Variants in TMC1 observed in about 807,000 individuals in gnomAD.
TMC1 encodes transmembrane channel-like protein 1.
Under a neutral mutation model 105.8 loss-of-function variants are expected in TMC1, and 84 were observed. That is an observed-to-expected ratio of 0.79 (90% confidence interval 0.67 to 0.95). The LOEUF (loss-of-function observed/expected upper bound fraction) is 0.95, where lower values mean the gene tolerates loss of function less well. TMC1 is among the 40% of genes least tolerant of loss of function. The probability of loss-of-function intolerance (pLI) is 0.00; values close to 1 mark genes in which losing one functional copy is unlikely to be tolerated. For synonymous variants in TMC1, 315 were observed against 311.5 expected (o/e 1.01, Z -0.12); for missense variants, 817 against 914.1 (o/e 0.89, Z 1.37).
chr9:72,797,898 C>T (rs1828400226), intron 17 of TMC1, among the ~76,000 whole-genome samples: 1 of 152,130 alleles, frequency 6.6e-6, no homozygotes, highest in Non-Finnish European at 1.5e-5. Context: ...AGCTCCAGCA[C>T]AGCAAAAGAA....
intron 19 of TMC1, among the ~76,000 whole-genome samples, chr9:72,820,250 T>G (rs767684380): frequency 6.6e-6 from 1 of 152,194 alleles, no homozygotes; most frequent in Non-Finnish European, 1.5e-5. Flanking sequence ...GAGAAAATGA[T>G]CAACATCAGA....
Position 72,755,003 on chromosome 9 carries a change from T to C in TMC1, c.741+119T>C, listed in dbSNP as rs937279884. Reference sequence around the variant, plus strand: ...CTGAATGTCTTAAGAAAGACGTCCCTGCTCCCTTTAAGAAAGAAAGGAAAG... The same window carrying C: ...CTGAATGTCTTAAGAAAGACGTCCCCGCTCCCTTTAAGAAAGAAAGGAAAG... On this transcript the variant is annotated intron_variant, in intron 12 of 23. Transcript: ENST00000297784. 9.6e-6 allele frequency: 5 copies of C among 523,380 alleles called. No individual in the cohort carries two copies. In the East Asian group the frequency reaches 2.6e-4, roughly 27 times the overall value. 32.4% of individuals were successfully genotyped at this position (523,380 alleles called of 1,614,324 possible). A position where few individuals can be genotyped will look rare whatever the true frequency, so the allele number is the denominator to read the frequency against.
intron 1 of TMC1, among the ~76,000 whole-genome samples, chr9:72,554,173 T>C (rs1823896355): frequency 6.6e-6 from 1 of 152,196 alleles, no homozygotes; most frequent in Non-Finnish European, 1.5e-5. Context: ...TTGGGTGTTG[T>C]CTTCTGTTTG....
chr9:72,564,930 A>G (rs1252190048), intron 1 of TMC1, among the ~76,000 whole-genome samples: 1 of 152,266 alleles, frequency 6.6e-6, no homozygotes, highest in East Asian at 1.9e-4. Flanking sequence ...CCAAAATTAA[A>G]TACAGTAGTT....
Position 72,830,645 on chromosome 9 carries a change from C to T in TMC1, c.2223C>T (p.Asn741=), listed in dbSNP as rs1262760850. The T allele has an allele frequency of 5.0e-5, 81 of 1,612,728 alleles. No homozygotes were observed. Among genetic ancestry groups the T allele is most frequent in the Non-Finnish European group, 6.8e-5 (80 of 1,179,662 alleles). The change falls in exon 23 of 24, where the codon AAC becomes AAT. Residue 741 remains asparagine, a synonymous_variant. Transcript: ENST00000297784. ...KKKMKMQALE[N]KMRNKKMAAA... Reference sequence around the variant, plus strand: ...TTATTGTGTAGCAAGCTTTGGAGAACAAAATGCGAAACAAGAAAATGGCAG... The same window carrying T: ...TTATTGTGTAGCAAGCTTTGGAGAATAAAATGCGAAACAAGAAAATGGCAG...
chr9:72,554,715 T>C (rs1823903771), intron 1 of TMC1, among the ~76,000 whole-genome samples: 1 of 152,164 alleles, frequency 6.6e-6, no homozygotes, highest in African/African-American at 2.4e-5. Context: ...TTCTCATCTG[T>C]AAAATAAGGG....
chr9:72,832,918 C>G (rs924596843), intron 23 of TMC1, among the ~76,000 whole-genome samples: 2 of 152,152 alleles, frequency 1.3e-5, no homozygotes, highest in Non-Finnish European at 2.9e-5. Flanking sequence ...GTTTTGCTCT[C>G]TTCTCCTCCC....
chr9:72,772,671 C>T, intron 13 of TMC1, 116 bp downstream of exon 13: 3 of 1,339,942 alleles, frequency 2.2e-6, no homozygotes, highest in Non-Finnish European at 3.2e-6. Flanking sequence ...GAAACAGAGT[C>T]TGTAAGAGAT....
At chr9:72,747,206 G>A (rs1026169736) in intron 10 of TMC1, among the ~76,000 whole-genome samples, 2 of 152,050 alleles carry the variant, frequency 1.3e-5, no homozygotes, top group Non-Finnish European at 2.9e-5. Context: ...TTTCCTTGCT[G>A]CCCTAAGGAT....
At chr9:72,767,836 G>A (rs906155431) in intron 12 of TMC1, among the ~76,000 whole-genome samples, 5 of 152,154 alleles carry the variant, frequency 3.3e-5, no homozygotes, top group Non-Finnish European at 7.4e-5. Context: ...AACCTTGGCT[G>A]GGCTAGGAGT....
At chr9:72,534,006 G>A (rs190963603) in intron 1 of TMC1, among the ~76,000 whole-genome samples, 49 of 152,132 alleles carry the variant, frequency 3.2e-4, no homozygotes, top group Admixed American at 2.2e-3. Flanking sequence ...GATGGTGCAC[G>A]CCTGTAATCT....
chr9:72,749,648 C>T (rs1319688046), intron 10 of TMC1, among the ~76,000 whole-genome samples: 1 of 151,890 alleles, frequency 6.6e-6, no homozygotes, highest in Non-Finnish European at 1.5e-5. Flanking sequence ...AACTCTGCAC[C>T]CCTCGGCAAT....
intron 2 of TMC1, among the ~76,000 whole-genome samples, chr9:72,585,841 A>G (rs1824546930): frequency 6.6e-6 from 1 of 152,064 alleles, no homozygotes; most frequent in South Asian, 2.1e-4. Context: ...TGTGGAGTGG[A>G]TGGGGCGTAG....
intron 18 of TMC1, among the ~76,000 whole-genome samples, chr9:72,808,616 G>T (rs1217290297): frequency 2.0e-5 from 3 of 152,202 alleles, no homozygotes; most frequent in East Asian, 3.8e-4. Context: ...GCATGTGTTG[G>T]CTGGCTGTTT....
At chr9:72,828,293 T>C (rs1436006090) in intron 21 of TMC1, among the ~76,000 whole-genome samples, 5 of 152,200 alleles carry the variant, frequency 3.3e-5, no homozygotes, top group Non-Finnish European at 5.9e-5. Flanking sequence ...TTTCACCAGA[T>C]GGCCTTTGAA....
At chr9:72,578,592 G>A (rs1040202858) in intron 2 of TMC1, among the ~76,000 whole-genome samples, 3 of 152,294 alleles carry the variant, frequency 2.0e-5, no homozygotes, top group Admixed American at 6.5e-5. Flanking sequence ...AGACTTTGCC[G>A]TAGGACTGTT....
At chr9:72,564,455 A>G (rs1458030380) in intron 1 of TMC1, among the ~76,000 whole-genome samples, 1 of 152,184 alleles carries the variant, frequency 6.6e-6, no homozygotes, top group Non-Finnish European at 1.5e-5. Context: ...GAGGAGGGGA[A>G]CAGCTTTTCT....
intron 12 of TMC1, among the ~76,000 whole-genome samples, chr9:72,767,750 T>C (rs1827862797): frequency 6.6e-6 from 1 of 152,220 alleles, no homozygotes; most frequent in Admixed American, 6.5e-5. Flanking sequence ...TGACTCTGGT[T>C]TCTCTGTCAC....
chr9:72,715,203 T>C (rs1203129273), intron 8 of TMC1, among the ~76,000 whole-genome samples: 3 of 152,220 alleles, frequency 2.0e-5, no homozygotes, highest in African/African-American at 7.2e-5. Flanking sequence ...ATTTTTTCTT[T>C]CATTTCAACC....
Sources: gnomAD v4.1 joint callset for allele counts (sites outside exome capture counted in the v4.1 genomes callset) on GRCh38, gnomAD v4.1.1 for gene constraint, MANE v1.5 for transcripts, NCBI Gene and HGNC (gene_info 2026-07-23, HGNC 2026-07-21) for gene names.